Variants in OR4K1 observed in about 807,000 individuals in gnomAD.
The protein encoded by OR4K1 is olfactory receptor family 4 subfamily K member 1.
In OR4K1, 16 loss-of-function variants were observed where a neutral mutation model predicts 14.4. The observed-to-expected ratio is 1.11, with a 90% CI of 0.75 to 1.68. OR4K1 has a LOEUF of 1.68. Ranked by LOEUF, OR4K1 falls within the 40% of genes most tolerant of loss-of-function variation. The pLI, the probability that OR4K1 is intolerant of heterozygous loss-of-function variation, is 0.00. For synonymous variants in OR4K1, 181 were observed against 133.1 expected (o/e 1.36, Z -2.48); for missense variants, 548 against 376.9 (o/e 1.45, Z -3.76).
intron 1 of OR4K1, among the ~76,000 whole-genome samples, chr14:19,932,253 A>G (rs144526214): frequency 1.1e-4 from 16 of 152,244 alleles, no homozygotes; most frequent in African/African-American, 3.9e-4. Flanking sequence ...GAATAATTCC[A>G]CTAACATTAT....
chr14:19,924,664 A>G, the OR4K1 span, among the ~76,000 whole-genome samples: 1 of 152,200 alleles, frequency 6.6e-6, no homozygotes, highest in Non-Finnish European at 1.5e-5. Context: ...AGAGCCAGAA[A>G]TACCATTTGA....
chr14:19,930,719 G>A (rs1005795589), upstream of OR4K1, among the ~76,000 whole-genome samples: 2 of 152,200 alleles, frequency 1.3e-5, no homozygotes, highest in African/African-American at 2.4e-5. Flanking sequence ...ACTAGTTGGC[G>A]AACAAACAAA....
chr14:19,931,932 T>A (rs1882193621), intron 1 of OR4K1, among the ~76,000 whole-genome samples: 1 of 152,250 alleles, frequency 6.6e-6, no homozygotes, highest in African/African-American at 2.4e-5. Flanking sequence ...GCTTTAGAGA[T>A]AATCCAGTTC....
upstream of OR4K1, among the ~76,000 whole-genome samples, chr14:19,927,290 C>A (rs57195600): frequency 2.6e-5 from 4 of 152,220 alleles, no homozygotes; most frequent in African/African-American, 7.2e-5. Flanking sequence ...ACTCAGATGA[C>A]CTTCATGGAC....
At position 19,935,966 on chromosome 14, in the gene OR4K1, G is replaced by A. The variant is rs1489150774; in HGVS notation, c.300G>A (p.Gln100=). The part of the protein sequence containing the change: ...KTISFEGCMA[Q]IFVLHSFVGS... The stretch of plus-strand genomic sequence containing the variant: ...TCTCCTTTGAGGGTTGCATGGCCCA[G>A]ATATTCGTTCTTCACAGTTTTGTTG... Residue 100 remains glutamine (Q), a synonymous_variant, in exon 2 of 2, where the codon CAG becomes CAA. Transcript: ENST00000641172. 6.2e-7 allele frequency: 1 copy of A among 1,614,214 alleles called. No homozygotes were observed. The highest frequency in any genetic ancestry group is 8.5e-7 in the Non-Finnish European group (1 of 1,180,032).
the OR4K1 span, chr14:19,921,664 T>C: frequency 3.0e-6 from 4 of 1,344,614 alleles, no homozygotes; most frequent in Non-Finnish European, 4.1e-6. Flanking sequence ...GTGGGGAAAG[T>C]AGTGAAGAAG....
upstream of OR4K1, among the ~76,000 whole-genome samples, chr14:19,929,368 TGTG>T (rs1261869021): frequency 4.7e-3 from 40 of 8,452 alleles, no homozygotes; most frequent in African/African-American, 5.5e-3. Flanking sequence ...TCTGTGTGTG[TGTG>T]TGTGTGTGTG....
rs1266608425 is a variant in OR4K1 at position 19,936,295 on chromosome 14, G to C, written c.629G>C (p.Cys210Ser). 1.9e-6 allele frequency: 3 copies of C among 1,614,230 alleles called. No individual in the cohort carries two copies. In the East Asian group the frequency reaches 6.7e-5, roughly 36 times the overall value. Residue 210 changes from cysteine to serine, a missense_variant, in exon 2 of 2, where the codon TGT becomes TCT. Physicochemically the swap from Cys to Ser is moderately radical, Grantham distance 112. Coordinates refer to ENST00000641172, the MANE Select transcript of OR4K1 (RefSeq NM_001004063.3). ...AACAGTGGCCTGATATCATTGAGCT[G>C]TTTCCTGGCTTTAATTATTTCCTAC... ...LTNSGLISLS[C>S]FLALIISYTI...
At chr14:19,924,867 G>A in the OR4K1 span, among the ~76,000 whole-genome samples, 1 of 152,114 alleles carries the variant, frequency 6.6e-6, no homozygotes, top group Non-Finnish European at 1.5e-5. Flanking sequence ...TTATTTAAGG[G>A]AAACTATTAA....
chr14:19,925,405 A>G, the OR4K1 span, among the ~76,000 whole-genome samples: 3 of 152,260 alleles, frequency 2.0e-5, no homozygotes, highest in African/African-American at 7.2e-5. Context: ...GCTCTGTATT[A>G]TATGGCTTCT....
At chr14:19,933,975 G>T (rs1882245890) in intron 1 of OR4K1, among the ~76,000 whole-genome samples, 1 of 152,198 alleles carries the variant, frequency 6.6e-6, no homozygotes, top group South Asian at 2.1e-4. Context: ...CAACATCCAG[G>T]TTAAAACTAC....
At chr14:19,921,046 T>A in the OR4K1 span, 71 of 1,613,996 alleles carry the variant, frequency 4.4e-5, no homozygotes, top group African/African-American at 1.7e-4. Flanking sequence ...TTGGTAATGA[T>A]CTCCTGGGCT....
upstream of OR4K1, among the ~76,000 whole-genome samples, chr14:19,930,410 G>A (rs1010051455): frequency 1.3e-5 from 2 of 152,210 alleles, no homozygotes; most frequent in Non-Finnish European, 2.9e-5. Flanking sequence ...TTTTGGGAAA[G>A]AAATTTATAT....
intron 1 of OR4K1, among the ~76,000 whole-genome samples, chr14:19,933,404 G>A (rs1427264883): frequency 1.3e-5 from 2 of 152,062 alleles, no homozygotes; most frequent in African/African-American, 4.8e-5. Flanking sequence ...TTACTCTTAG[G>A]AATGGGAATA....
At chr14:19,928,454 A>G (rs139807529), upstream of OR4K1, among the ~76,000 whole-genome samples, 1 of 152,260 alleles carries the variant, frequency 6.6e-6, no homozygotes, top group African/African-American at 2.4e-5. Flanking sequence ...ATCTTTCTCC[A>G]ATGTGTCGCT....
Position 19,935,908 on chromosome 14 carries a change from T to G in OR4K1, c.242T>G (p.Met81Arg). 1 of 1,614,244 alleles carries G rather than the reference T, an allele frequency of 6.2e-7. No homozygotes were observed. Among genetic ancestry groups the G allele is most frequent in the South Asian group, 1.1e-5 (1 of 91,084 alleles). ...CAGTCTAACTTTGCCACCCCCAAGA[T>G]GCTTGTAGACTTTTTTATTGAGCGC... ...ICQSNFATPKMLVDFFIERKT... is the reference protein window; with the variant it reads ...ICQSNFATPKRLVDFFIERKT... Residue 81 changes from methionine (M) to arginine (R), a missense_variant, in exon 2 of 2, where the codon ATG becomes AGG. Coordinates refer to ENST00000641172, the MANE Select transcript of OR4K1 (RefSeq NM_001004063.3).
At chr14:19,929,600 C>A (rs1882142162), upstream of OR4K1, among the ~76,000 whole-genome samples, 1 of 152,104 alleles carries the variant, frequency 6.6e-6, no homozygotes, top group South Asian at 2.1e-4. Flanking sequence ...TTTATGCAAT[C>A]AAAAGAAATG....
upstream of OR4K1, among the ~76,000 whole-genome samples, chr14:19,926,002 G>T (rs1025928835): frequency 2.0e-5 from 3 of 152,242 alleles, no homozygotes; most frequent in African/African-American, 4.8e-5. Flanking sequence ...GGTGTGGGTG[G>T]AATGGATCTG....
upstream of OR4K1, among the ~76,000 whole-genome samples, chr14:19,929,254 T>C (rs1882130095): frequency 6.7e-6 from 1 of 149,046 alleles, no homozygotes; most frequent in African/African-American, 2.4e-5. Flanking sequence ...TTTATACATA[T>C]ATATTTGGTT....
Sources: allele counts gnomAD v4.1 joint callset (sites outside exome capture counted in the v4.1 genomes callset), GRCh38; gene constraint gnomAD v4.1.1; transcripts MANE v1.5; gene names NCBI Gene and HGNC (gene_info 2026-07-23, HGNC 2026-07-21).